The following DLG5 variants were observed in gnomAD, a reference collection of about 807,000 sequenced individuals.
DLG5 encodes discs large MAGUK scaffold protein 5.
DLG5 carries 48 observed loss-of-function variants against 189.8 expected under a neutral mutation model. The ratio of observed to expected loss-of-function variants is 0.25; its 90% CI spans 0.20 to 0.32. The LOEUF is 0.32. Among genes scored for constraint, DLG5 ranks in the 10% least tolerant of loss-of-function variants. The pLI, the probability that DLG5 is intolerant of heterozygous loss-of-function variation, is 1.00. For missense variants in DLG5, 2,160 were observed against 2,544.7 expected, an observed-to-expected ratio of 0.85 and a Z score of 3.25; for synonymous variants, 1,016 against 1,054.1, an observed-to-expected ratio of 0.96 and a Z score of 0.70.
rs117366353 is a variant in DLG5 at position 77,792,073 on chromosome 10, G to C, written c.*367C>G. 4.4e-6 allele frequency: 1 copy of C among 226,226 alleles called. No homozygotes were observed. Among genetic ancestry groups the C allele is most frequent in the African/African-American group, 2.3e-5 (1 of 43,768 alleles). 14.0% of individuals were successfully genotyped at this position (226,226 alleles called of 1,614,324 possible). ...ACAGGGGCTGGGCACCGGCAACATG[G>C]AGCCGTTCAAGTAAACATAAACCAC... On this transcript the variant is annotated 3_prime_UTR_variant, in exon 32 of 32. Transcript: ENST00000372391.
chr10:77,839,288 G>C (rs138310714), intron 7 of DLG5, among the ~76,000 whole-genome samples: 1 of 152,122 alleles, frequency 6.6e-6, no homozygotes, highest in Non-Finnish European at 1.5e-5. Flanking sequence ...ATCACCTGAG[G>C]TCAGGAATTC....
Position 77,830,818 on chromosome 10 carries a change from G to A in DLG5, c.1804C>T (p.His602Tyr). ...TCAATGGCCGAGTCGTGGGAGCTGT[G>A]GGCCATCAGCTGTCGGAACCGGGCC... Reference protein sequence around the residue: ...KEARFRQLMAHSSHDSAIDTD... With the variant: ...KEARFRQLMAYSSHDSAIDTD... Residue 602 changes from histidine (H) to tyrosine (Y), a missense_variant, in exon 10 of 32, where the codon CAC becomes TAC. By Grantham distance (83) the His-to-Tyr change is moderately conservative. Around this residue, in one of 5 missense-constraint regions of DLG5, gnomAD observed 664 missense variants for 838.5 expected, o/e 0.79. Coordinates refer to ENST00000372391, the MANE Select transcript of DLG5 (RefSeq NM_004747.4). The A allele has an allele frequency of 6.2e-7, 1 of 1,614,164 alleles. No individual in the cohort carries two copies. The highest frequency in any genetic ancestry group is 1.1e-5 in the South Asian group (1 of 91,082).
chr10:77,890,015 C>T (rs1845559798), intron 1 of DLG5, among the ~76,000 whole-genome samples: 1 of 152,010 alleles, frequency 6.6e-6, no homozygotes, highest in Non-Finnish European at 1.5e-5. Flanking sequence ...TCTGACCATA[C>T]CTGAACCACT....
At chr10:77,843,391 G>A (rs1014747231) in intron 6 of DLG5, 56 bp downstream of exon 6, 3 of 1,583,148 alleles carry the variant, frequency 1.9e-6, no homozygotes, top group Non-Finnish European at 1.7e-6. Flanking sequence ...CCCTGGTGGT[G>A]GCTGGGAACC....
In DLG5 at chr10:77,821,371, A is replaced by G; in HGVS notation, c.3113T>C (p.Leu1038Pro). ...ACTAGTGGATGGGGAGCTGCCCACC[A>G]GAGTGGCTTCTGACTCGGAGCTAGT... ...LETSSESEAT[L>P]VGSSPSTSPP... Residue 1038 changes from leucine to proline, a missense_variant, in exon 15 of 32, where the codon CTG (leucine) becomes CCG (proline). Coordinates refer to ENST00000372391, the MANE Select transcript of DLG5 (RefSeq NM_004747.4). The G allele has an allele frequency of 6.2e-7, 1 of 1,612,596 alleles. No individual in the cohort carries two copies.
chr10:77,794,955 G>A lies in DLG5; in HGVS notation c.5440C>T (p.Arg1814Ter). The A allele has an allele frequency of 6.2e-7, 1 of 1,613,370 alleles. No homozygotes were observed. The highest frequency in any genetic ancestry group is 1.1e-5 in the South Asian group (1 of 90,982). ...GGAGCAATGTCCAGGAGGCAGTGTC[G>A]GTTCTGGGGTGGGGGGTGCAGAGTG... The part of the protein sequence containing the change: ...ASIKEITEKN[R>*]HCLLDIAPHA... Residue 1814 changes from arginine to a stop codon, truncating the protein, a stop_gained, in exon 30 of 32, where the codon CGA (arginine) becomes TGA (stop). Coordinates refer to ENST00000372391, the MANE Select transcript of DLG5 (RefSeq NM_004747.4). LOFTEE classifies it high-confidence loss of function.
At chr10:77,816,487 C>A in intron 20 of DLG5, 64 bp downstream of exon 20, 1 of 1,608,936 alleles carries the variant, frequency 6.2e-7, no homozygotes, top group South Asian at 1.1e-5. Flanking sequence ...AGAGCCCAGG[C>A]CCGCTGCCGG....
chr10:77,843,287 G>A (rs941438489), intron 6 of DLG5, among the ~76,000 whole-genome samples, 160 bp downstream of exon 6: 3 of 152,332 alleles, frequency 2.0e-5, no homozygotes, highest in Middle Eastern at 3.4e-3. Flanking sequence ...AGGGAGCCAC[G>A]ATTCCCAAGA....
rs1418469308 is a variant in DLG5 at position 77,796,686 on chromosome 10, T to C, written c.5165-92A>G. ...AACCCCGCTCCCTGACCTCGCCCAC[T>C]CTGGTTTGCCTGGGACTCCCCCAGC... On this transcript the variant is annotated intron_variant, in intron 27 of 31. Coordinates refer to ENST00000372391, the MANE Select transcript of DLG5 (RefSeq NM_004747.4). This position sits in a 1 kb window ranked among gnomAD's most constrained non-coding sequence, Gnocchi z 5.2. The C allele has an allele frequency of 6.5e-7, 1 of 1,532,278 alleles. No homozygotes were observed. Among genetic ancestry groups the C allele is most frequent in the Admixed American group, 1.8e-5 (1 of 54,394 alleles). 94.9% of individuals were successfully genotyped at this position (1,532,278 alleles called of 1,614,324 possible). A position where few individuals can be genotyped will look rare whatever the true frequency, so the allele number is the denominator to read the frequency against.
chr10:77,829,112 T>A, intron 12 of DLG5, 127 bp from the exon 13 acceptor site: 1 of 1,108,444 alleles, frequency 9.0e-7, no homozygotes, highest in Non-Finnish European at 1.3e-6. Flanking sequence ...TGTCTACGCC[T>A]GCACCCTGCC....
At chr10:77,882,074 G>C (rs1459453541) in intron 1 of DLG5, among the ~76,000 whole-genome samples, 2 of 152,196 alleles carry the variant, frequency 1.3e-5, no homozygotes, top group African/African-American at 2.4e-5. Flanking sequence ...ACTCAGCCTG[G>C]GTCTGTAGTA....
chr10:77,821,365 C>T lies in DLG5; in HGVS notation c.3119G>A (p.Gly1040Asp), dbSNP rs1265075357. Residue 1040 changes from glycine to aspartate, a missense_variant, in exon 15 of 32, where the codon GGC (glycine) becomes GAC (aspartate). This residue lies in a region of DLG5 where 754 missense variants were observed against 746.5 expected (regional missense o/e 1.01). Transcript: ENST00000372391. ...TSSESEATLV[G>D]SSPSTSPPSA... ...CGGGGGACTAGTGGATGGGGAGCTGCCCACCAGAGTGGCTTCTGACTCGGA... is the reference window on the plus strand; with the variant it reads ...CGGGGGACTAGTGGATGGGGAGCTGTCCACCAGAGTGGCTTCTGACTCGGA... 2 of 1,612,688 alleles carry T rather than the reference C, an allele frequency of 1.2e-6. No individual in the cohort carries two copies. Among genetic ancestry groups the T allele is most frequent in the East Asian group, 2.2e-5 (1 of 44,864 alleles).
intron 2 of DLG5, among the ~76,000 whole-genome samples, chr10:77,862,891 A>G (rs1844526092): frequency 6.6e-6 from 1 of 152,126 alleles, no homozygotes; most frequent in African/African-American, 2.4e-5. Context: ...CAGAAAAGAG[A>G]TGAGTGGCTG....
intron 25 of DLG5, among the ~76,000 whole-genome samples, 178 bp downstream of exon 25, chr10:77,807,618 G>A (rs1337404100): frequency 6.6e-6 from 1 of 152,192 alleles, no homozygotes; most frequent in Non-Finnish European, 1.5e-5. Context: ...CTAAAGGGTT[G>A]TTCTAAGTCA....
intron 20 of DLG5, chr10:77,815,895 C>T (rs1367216305): frequency 2.9e-6 from 1 of 349,724 alleles, no homozygotes; most frequent in African/African-American, 2.1e-5. Context: ...TGTGTGTGCA[C>T]AGTGCGCGGG....
At chr10:77,876,665 C>T (rs1057244357) in intron 1 of DLG5, among the ~76,000 whole-genome samples, 9 of 131,106 alleles carry the variant, frequency 6.9e-5, no homozygotes, top group African/African-American at 2.2e-4. Context: ...CCCAGCCAAT[C>T]CCATCTTTTT....
intron 5 of DLG5, among the ~76,000 whole-genome samples, chr10:77,852,390 A>C (rs1054313738): frequency 6.6e-6 from 1 of 151,210 alleles, no homozygotes; most frequent in African/African-American, 2.5e-5. Context: ...AATAAATAAA[A>C]TAACAGGAAT....
chr10:77,868,442 A>C, intron 2 of DLG5: 2 of 271,928 alleles, frequency 7.4e-6, no homozygotes, highest in Non-Finnish European at 1.5e-5. Flanking sequence ...CAGGCATGTG[A>C]CTCCCCCTCC....
In DLG5 at chr10:77,806,874, G is replaced by A. The variant is rs1058198; in HGVS notation, c.4851C>T (p.Asp1617=). 0.33 allele frequency: 527,162 copies of A among 1,613,428 alleles called. 87,643 individuals carry two copies. Among genetic ancestry groups the A allele is most frequent in the Non-Finnish European group, 0.34 (406,733 of 1,179,550 alleles). The change falls in exon 26 of 32, where the codon GAC becomes GAT. Residue 1617 remains aspartate (D), a synonymous_variant. Transcript: ENST00000372391. Reference sequence around the variant, plus strand: ...AGGTGTCATCCACGTAGAGGATGTCGTCCTTCTTAAAGCTCAACTCTTGCT... The same window carrying A: ...AGGTGTCATCCACGTAGAGGATGTCATCCTTCTTAAAGCTCAACTCTTGCT... ...DVEQELSFKK[D]DILYVDDTLP...
Sources: allele counts gnomAD v4.1 joint callset (sites outside exome capture counted in the v4.1 genomes callset), GRCh38; gene constraint gnomAD v4.1.1; regional missense constraint gnomAD v4.1.1; non-coding constraint Gnocchi (gnomAD v3.1); transcripts MANE v1.5; gene names NCBI Gene and HGNC (gene_info 2026-07-23, HGNC 2026-07-21).